SRPK2: variants seen among roughly 807,000 people sequenced by gnomAD.
SRPK2 encodes the protein SFRS protein kinase 2.
SRPK2 carries 21 observed loss-of-function variants against 90.8 expected under a neutral mutation model. The observed-to-expected ratio is 0.23, with a 90% CI of 0.16 to 0.33. The LOEUF is 0.33. Among genes scored for constraint, SRPK2 ranks in the 10% least tolerant of loss-of-function variants. The pLI, the probability that SRPK2 is intolerant of heterozygous loss-of-function variation, is 1.00. For missense variants in SRPK2, 620 were observed against 869.0 expected (o/e 0.71, Z 3.60); for synonymous variants, 288 against 311.1 (o/e 0.93, Z 0.78).
chr7:105,232,545 A>G (rs1218723410), intron 2 of SRPK2, among the ~76,000 whole-genome samples: 2 of 151,958 alleles, frequency 1.3e-5, no homozygotes, highest in Non-Finnish European at 2.9e-5. Context: ...AAAAATTTGT[A>G]CTTAGGATAT....
chr7:105,340,816 T>C (rs1320016911), intron 2 of SRPK2, among the ~76,000 whole-genome samples: 2 of 152,188 alleles, frequency 1.3e-5, no homozygotes. Context: ...GTTAATAACA[T>C]TCAAGCTTTC....
At chr7:105,331,334 A>AAAAAAAAC (rs1563248718) in intron 2 of SRPK2, among the ~76,000 whole-genome samples, 4 of 145,938 alleles carry the variant, frequency 2.7e-5, no homozygotes, top group African/African-American at 1.1e-4. Context: ...AAAAAAAAAA[A>AAAAAAAAC]AAACAAATAG....
At chr7:105,342,513 G>C (rs1395804068) in intron 2 of SRPK2, among the ~76,000 whole-genome samples, 1 of 151,888 alleles carries the variant, frequency 6.6e-6, no homozygotes, top group Non-Finnish European at 1.5e-5. Flanking sequence ...AAAAAGAGTT[G>C]CCTAGGCCAG....
chr7:105,221,611 T>C (rs1317505836), intron 2 of SRPK2, among the ~76,000 whole-genome samples: 3 of 152,194 alleles, frequency 2.0e-5, no homozygotes, highest in Non-Finnish European at 4.4e-5. Context: ...TCAATTTCCA[T>C]CCCTGAAACA....
intron 2 of SRPK2, among the ~76,000 whole-genome samples, chr7:105,253,272 G>A (rs545286879): frequency 1.2e-4 from 18 of 152,246 alleles, no homozygotes; most frequent in African/African-American, 3.6e-4. Flanking sequence ...CAGAACAGAT[G>A]AATAATATCT....
intron 2 of SRPK2, among the ~76,000 whole-genome samples, chr7:105,234,231 A>C (rs765360072): frequency 3.9e-5 from 6 of 152,218 alleles, no homozygotes; most frequent in Admixed American, 6.5e-5. Flanking sequence ...TTGCCACTGG[A>C]AAATGCGGTT....
chr7:105,231,427 A>C (rs1480418317), intron 2 of SRPK2, among the ~76,000 whole-genome samples: 2 of 152,104 alleles, frequency 1.3e-5, no homozygotes. Context: ...CTAGGTACAC[A>C]CCCAGTAATA....
chr7:105,291,171 G>A (rs1277366845), intron 2 of SRPK2, among the ~76,000 whole-genome samples: 1 of 151,988 alleles, frequency 6.6e-6, no homozygotes, highest in Non-Finnish European at 1.5e-5. Flanking sequence ...CAGGACTTAA[G>A]TCGGTACTGG....
intron 3 of SRPK2, among the ~76,000 whole-genome samples, chr7:105,192,066 T>A (rs201227026): frequency 0.077 from 9,250 of 119,974 alleles, 447 homozygotes; most frequent in East Asian, 0.2. Flanking sequence ...TTTTTTTTTT[T>A]AATTTCCATA....
At chr7:105,181,736 A>G (rs1792839263) in intron 3 of SRPK2, among the ~76,000 whole-genome samples, 1 of 152,138 alleles carries the variant, frequency 6.6e-6, no homozygotes, top group East Asian at 1.9e-4. Context: ...GGGTGGAAGA[A>G]CAGAGAGAAT....
chr7:105,248,402 G>A (rs902339226), intron 2 of SRPK2, among the ~76,000 whole-genome samples: 6 of 141,954 alleles, frequency 4.2e-5, no homozygotes, highest in Non-Finnish European at 9.0e-5. Context: ...AGTAGACTGA[G>A]CAACACAGCG....
rs759804686 is a variant in SRPK2 at position 105,167,460 on chromosome 7, C to T, written c.431G>A (p.Arg144Gln). 1.9e-6 allele frequency: 3 copies of T among 1,612,668 alleles called. No individual in the cohort carries two copies. The highest frequency in any genetic ancestry group is 1.3e-5 in the African/African-American group (1 of 74,830). The change falls in exon 6 of 16, where the codon CGA (arginine) becomes CAA (glutamine). Residue 144 changes from arginine to glutamine, a missense_variant. Coordinates refer to ENST00000393651, the MANE Select transcript of SRPK2 (RefSeq NM_182692.3). Reference sequence around the variant, plus strand: ...GTTTGGGTCACTGGGATCACTTTCTCGAACCTATGCCAAGAAAAATGAATG... The same window carrying T: ...GTTTGGGTCACTGGGATCACTTTCTTGAACCTATGCCAAGAAAAATGAATG... ...LDEIKLLKCVRESDPSDPNKD... is the reference protein window; with the variant it reads ...LDEIKLLKCVQESDPSDPNKD...
intron 2 of SRPK2, among the ~76,000 whole-genome samples, chr7:105,376,096 A>G (rs973897202): frequency 1.4e-5 from 2 of 138,924 alleles, no homozygotes; most frequent in African/African-American, 2.7e-5. Context: ...CCAGGTTCAC[A>G]CCATTCTCCT....
chr7:105,147,287 C>A (rs1213238823), intron 7 of SRPK2, among the ~76,000 whole-genome samples: 1 of 151,922 alleles, frequency 6.6e-6, no homozygotes, highest in Non-Finnish European at 1.5e-5. Flanking sequence ...TTTAGATGTG[C>A]GACTATCATT....
intron 2 of SRPK2, among the ~76,000 whole-genome samples, chr7:105,380,773 C>T (rs938880041): frequency 1.3e-5 from 2 of 151,760 alleles, no homozygotes; most frequent in Non-Finnish European, 2.9e-5. Flanking sequence ...CTGCCCACCT[C>T]GGCCTCCCAA....
At chr7:105,128,848 C>T (rs889312401) in intron 13 of SRPK2, among the ~76,000 whole-genome samples, 1 of 152,226 alleles carries the variant, frequency 6.6e-6, no homozygotes, top group Non-Finnish European at 1.5e-5. Context: ...GCGCACTACA[C>T]TGCACCCAGC....
intron 2 of SRPK2, among the ~76,000 whole-genome samples, chr7:105,329,542 C>T (rs567628539): frequency 2.9e-4 from 44 of 149,782 alleles, no homozygotes; most frequent in Non-Finnish European, 5.5e-4. Flanking sequence ...TGCAGTGAGC[C>T]GAGATCGCAC....
intron 2 of SRPK2, among the ~76,000 whole-genome samples, chr7:105,245,206 C>T (rs1019195348): frequency 1.3e-5 from 2 of 152,172 alleles, no homozygotes; most frequent in East Asian, 1.9e-4. Context: ...AAGCTCCTTG[C>T]GTCTCGAGCT....
At chr7:105,163,439 G>A (rs1164548901) in intron 6 of SRPK2, among the ~76,000 whole-genome samples, 2 of 152,032 alleles carry the variant, frequency 1.3e-5, no homozygotes, top group East Asian at 1.9e-4. Flanking sequence ...TTTTAAGAAG[G>A]GATGAGATAA....
Sources: gnomAD v4.1 joint callset for allele counts (sites outside exome capture counted in the v4.1 genomes callset) on GRCh38, gnomAD v4.1.1 for gene constraint, MANE v1.5 for transcripts, NCBI Gene and HGNC (gene_info 2026-07-23, HGNC 2026-07-21) for gene names.